Variants in DNAH11 observed in about 807,000 individuals in gnomAD.
The protein encoded by DNAH11 is axonemal beta dynein heavy chain 11.
DNAH11 carries 442 observed loss-of-function variants against 526.0 expected under a neutral mutation model. That is an observed-to-expected ratio of 0.84 (90% CI 0.78 to 0.91). The LOEUF is 0.91. Among genes scored for constraint, DNAH11 ranks in the 40% least tolerant of loss-of-function variants. The probability of loss-of-function intolerance (pLI) is 0.00; values close to 1 mark genes in which losing one functional copy is unlikely to be tolerated. For missense variants in DNAH11, 6,989 were observed against 5,448.7 expected, an observed-to-expected ratio of 1.28 and a Z score of -8.90; for synonymous variants, 2,461 against 1,935.9, an observed-to-expected ratio of 1.27 and a Z score of -7.12.
chr7:21,728,167 G>C (rs2906669), intron 45 of DNAH11, among the ~76,000 whole-genome samples: 85,970 of 149,326 alleles, frequency 0.58, 24,748 homozygotes, highest in South Asian at 0.69. Context: ...ACAATGTGCC[G>C]CCTTGACCCC....
At chr7:21,568,245 A>G (rs1201257141) in intron 6 of DNAH11, among the ~76,000 whole-genome samples, 1 of 152,154 alleles carries the variant, frequency 6.6e-6, no homozygotes, top group Admixed American at 6.5e-5. Context: ...AGTTCATCCT[A>G]AATCTAGTGG....
chr7:21,883,171 C>T (rs186368548), intron 75 of DNAH11, among the ~76,000 whole-genome samples: 98 of 152,280 alleles, frequency 6.4e-4, no homozygotes, highest in Admixed American at 3.2e-3. Flanking sequence ...ATAGTTGAAG[C>T]AATTTTACTT....
rs190062687 is a variant in DNAH11, at chr7:21,606,542, C to T, written c.3765C>T (p.Asp1255=). The change falls in exon 19 of 82, where the codon GAC becomes GAT. Residue 1255 remains aspartate, a splice_region_variant and synonymous_variant. Transcript: ENST00000409508. ...TAAGGAAAAAATGTATTTTGTTTGA[C>T]GTAAGCTAGTTACCAAGTTTTTGTT... is the stretch of plus-strand genomic sequence containing the variant. ...TLIRKKCILF[D]AKQAEFRERF... The T allele has an allele frequency of 2.0e-4, 324 of 1,603,680 alleles. 2 individuals are homozygous for T. The African/African-American group carries it at 3.1e-3, about 15-fold the overall frequency.
intron 57 of DNAH11, 72 bp downstream of exon 57, chr7:21,779,176 T>G (rs1787826336): frequency 1.3e-6 from 2 of 1,507,246 alleles, no homozygotes; most frequent in Non-Finnish European, 8.9e-7. Flanking sequence ...GGTGAACAAT[T>G]TTGAACAACT....
intron 58 of DNAH11, among the ~76,000 whole-genome samples, chr7:21,786,258 T>C (rs1042865429): frequency 6.6e-6 from 1 of 152,000 alleles, no homozygotes; most frequent in Admixed American, 6.6e-5. Flanking sequence ...GCAAATCTAT[T>C]ACATAGTGGG....
At chr7:21,645,726 A>G (rs1321068030) in intron 28 of DNAH11, among the ~76,000 whole-genome samples, 2 of 152,086 alleles carry the variant, frequency 1.3e-5, no homozygotes, top group Non-Finnish European at 2.9e-5. Flanking sequence ...TCAGATATCT[A>G]AATCAGATAT....
At chr7:21,711,410 T>G (rs996881387) in intron 41 of DNAH11, among the ~76,000 whole-genome samples, 2 of 152,252 alleles carry the variant, frequency 1.3e-5, no homozygotes, top group Non-Finnish European at 2.9e-5. Context: ...AAAGAAAAGT[T>G]TATGGTATTC....
At chr7:21,681,792 A>G (rs1783152024) in intron 31 of DNAH11, 115 bp downstream of exon 31, 23 of 1,292,992 alleles carry the variant, frequency 1.8e-5, no homozygotes, top group Middle Eastern at 1.9e-4. Context: ...TGTTTTAATT[A>G]GTCCTGAAAA....
At chr7:21,729,347 A>T (rs1365472249) in intron 45 of DNAH11, among the ~76,000 whole-genome samples, 1 of 152,178 alleles carries the variant, frequency 6.6e-6, no homozygotes, top group Non-Finnish European at 1.5e-5. Flanking sequence ...ATTTTGTCTA[A>T]GAATTACACC....
chr7:21,884,095 C>T (rs533123159), intron 75 of DNAH11, among the ~76,000 whole-genome samples, 196 bp from the exon 76 acceptor site: 1 of 152,298 alleles, frequency 6.6e-6, no homozygotes, highest in East Asian at 1.9e-4. Context: ...TTTTCACTGA[C>T]TATATTAGAA....
intron 24 of DNAH11, among the ~76,000 whole-genome samples, 198 bp from the exon 25 acceptor site, chr7:21,619,758 A>C (rs373844684): frequency 6.6e-6 from 1 of 152,308 alleles, no homozygotes; most frequent in African/African-American, 2.4e-5. Flanking sequence ...TGTTAGTGTG[A>C]TGCTCATACC....
At chr7:21,770,807 C>T (rs1787405956) in intron 55 of DNAH11, among the ~76,000 whole-genome samples, 1 of 152,088 alleles carries the variant, frequency 6.6e-6, no homozygotes, top group African/African-American at 2.4e-5. Flanking sequence ...GGAAATCTAG[C>T]CCAGGTCCTA....
At chr7:21,753,570 G>A (rs944620147) in intron 54 of DNAH11, among the ~76,000 whole-genome samples, 3 of 152,068 alleles carry the variant, frequency 2.0e-5, no homozygotes, top group Non-Finnish European at 4.4e-5. Flanking sequence ...ATGTCTTCTT[G>A]TCTAAACAAC....
At chr7:21,707,975 C>T in intron 40 of DNAH11, 140 bp downstream of exon 40, 1 of 801,852 alleles carries the variant, frequency 1.2e-6, no homozygotes, top group Non-Finnish European at 1.8e-6. Flanking sequence ...ATCACAACAG[C>T]ATTTATAATG....
chr7:21,663,999 T>C (rs1260356395), intron 30 of DNAH11, among the ~76,000 whole-genome samples: 1 of 151,982 alleles, frequency 6.6e-6, no homozygotes, highest in Non-Finnish European at 1.5e-5. Flanking sequence ...TGAGGAAACT[T>C]TATGCTATTT....
intron 9 of DNAH11, among the ~76,000 whole-genome samples, chr7:21,585,032 G>T (rs1784437695): frequency 6.6e-6 from 1 of 151,660 alleles, no homozygotes; most frequent in African/African-American, 2.4e-5. Flanking sequence ...CCATTAGTAT[G>T]AATTCTGTTA....
At chr7:21,815,622 C>A (rs1288158309) in intron 63 of DNAH11, among the ~76,000 whole-genome samples, 1 of 152,088 alleles carries the variant, frequency 6.6e-6, no homozygotes, top group East Asian at 1.9e-4. Context: ...ATGTTAACCA[C>A]CCCACCAAGC....
intron 18 of DNAH11, among the ~76,000 whole-genome samples, chr7:21,604,433 C>G (rs547322631): frequency 6.6e-6 from 1 of 152,252 alleles, no homozygotes; most frequent in East Asian, 1.9e-4. Flanking sequence ...TTATCCAGTC[C>G]CTTTTCTGCT....
At chr7:21,589,858 A>G (rs73070429) in intron 12 of DNAH11, among the ~76,000 whole-genome samples, 23,781 of 152,194 alleles carry the variant, frequency 0.16, 2,483 homozygotes, top group East Asian at 0.51. Context: ...AACAGAATAC[A>G]CAGAATGAAA....
Sources: gnomAD v4.1 joint callset for allele counts (sites outside exome capture counted in the v4.1 genomes callset) on GRCh38, gnomAD v4.1.1 for gene constraint, MANE v1.5 for transcripts, NCBI Gene and HGNC (gene_info 2026-07-23, HGNC 2026-07-21) for gene names.